The following CLASP2 variants were observed in gnomAD, a reference collection of about 807,000 sequenced individuals.
The protein encoded by CLASP2 is CLIP-associating protein 2.
CLASP2 carries 47 observed loss-of-function variants against 194.4 expected under a neutral mutation model. That is an observed-to-expected ratio of 0.24 (90% confidence interval 0.19 to 0.31). CLASP2 has a LOEUF of 0.31. Among genes scored for constraint, CLASP2 ranks in the 10% least tolerant of loss-of-function variants. The pLI is 1.00. For missense variants in CLASP2, 1,445 were observed against 1,823.6 expected (o/e 0.79, Z 3.78); for synonymous variants, 619 against 633.5 (o/e 0.98, Z 0.34).
chr3:33,708,503 T>G (rs1241378472), intron 1 of CLASP2, among the ~76,000 whole-genome samples: 2 of 81,516 alleles, frequency 2.5e-5, no homozygotes, highest in Non-Finnish European at 4.8e-5. Flanking sequence ...TATATATATA[T>G]ATGTATATAT....
intron 10 of CLASP2, among the ~76,000 whole-genome samples, chr3:33,622,489 A>G (rs1447615283): frequency 6.6e-6 from 1 of 152,216 alleles, no homozygotes; most frequent in African/African-American, 2.4e-5. Flanking sequence ...ATAACATTAC[A>G]GACTTAGTTA....
At chr3:33,594,483 C>G (rs6800291) in intron 20 of CLASP2, among the ~76,000 whole-genome samples, 37,680 of 151,646 alleles carry the variant, frequency 0.25, 5,114 homozygotes, top group Admixed American at 0.36. Flanking sequence ...GTGACCAACT[C>G]CCCAGTTACT....
At chr3:33,548,996 C>T (rs779336186) in intron 30 of CLASP2, among the ~76,000 whole-genome samples, 3 of 151,682 alleles carry the variant, frequency 2.0e-5, no homozygotes, top group African/African-American at 7.3e-5. Context: ...TGGTCTCAGA[C>T]TCCCAGCCTC....
At chr3:33,598,322 A>C (rs1408289173) in intron 18 of CLASP2, among the ~76,000 whole-genome samples, 1 of 151,922 alleles carries the variant, frequency 6.6e-6, no homozygotes, top group African/African-American at 2.4e-5. Context: ...AAGTCACAAC[A>C]ACCTCCCCAA....
intron 37 of CLASP2, among the ~76,000 whole-genome samples, chr3:33,509,444 A>G (rs1165799601): frequency 1.3e-5 from 2 of 152,010 alleles, no homozygotes; most frequent in African/African-American, 4.8e-5. Context: ...TGAACTCCCG[A>G]CCTCAGGTGA....
intron 23 of CLASP2, among the ~76,000 whole-genome samples, chr3:33,581,346 AT>A (rs1016690434): frequency 3.9e-5 from 6 of 152,206 alleles, no homozygotes; most frequent in African/African-American, 1.4e-4. Flanking sequence ...TATTATAAAA[AT>A]GTTAATCCCT....
At chr3:33,686,302 A>G (rs971550384) in intron 5 of CLASP2, among the ~76,000 whole-genome samples, 2 of 152,140 alleles carry the variant, frequency 1.3e-5, no homozygotes, top group South Asian at 2.1e-4. Flanking sequence ...GGGATCCCCA[A>G]GCCCCAGGCC....
intron 8 of CLASP2, among the ~76,000 whole-genome samples, chr3:33,640,304 A>G (rs1057042172): frequency 6.6e-6 from 1 of 152,222 alleles, no homozygotes; most frequent in African/African-American, 2.4e-5. Flanking sequence ...AAAAATGGGA[A>G]TAACTAGCAT....
chr3:33,568,917 T>C (rs2063272483), intron 26 of CLASP2, among the ~76,000 whole-genome samples: 1 of 152,192 alleles, frequency 6.6e-6, no homozygotes, highest in Non-Finnish European at 1.5e-5. Flanking sequence ...CAAACATTTT[T>C]AACTCGGCAC....
intron 34 of CLASP2, among the ~76,000 whole-genome samples, chr3:33,520,568 T>C (rs181499211): frequency 6.6e-6 from 1 of 151,990 alleles, no homozygotes; most frequent in African/African-American, 2.4e-5. Flanking sequence ...TGAGTGAGGA[T>C]GGAATGGCAA....
intron 25 of CLASP2, among the ~76,000 whole-genome samples, chr3:33,572,451 A>G (rs1270274572): frequency 6.6e-6 from 1 of 152,206 alleles, no homozygotes; most frequent in Non-Finnish European, 1.5e-5. Flanking sequence ...GTATCAAGTC[A>G]GGAAGTAACC....
intron 18 of CLASP2, among the ~76,000 whole-genome samples, chr3:33,600,034 G>C (rs9847537): frequency 6.6e-6 from 1 of 151,680 alleles, no homozygotes. Context: ...ATTTTTCTTC[G>C]GTAAAAATAA....
At chr3:33,645,964 AC>A (rs2082210406) in intron 7 of CLASP2, among the ~76,000 whole-genome samples, 1 of 151,098 alleles carries the variant, frequency 6.6e-6, no homozygotes, top group African/African-American at 2.4e-5. Flanking sequence ...ACACACACAC[AC>A]ACACACACAC....
At chr3:33,598,217 G>A (rs1426787610) in intron 18 of CLASP2, among the ~76,000 whole-genome samples, 1 of 150,738 alleles carries the variant, frequency 6.6e-6, no homozygotes, top group Admixed American at 6.6e-5. Flanking sequence ...TCAGCCATGA[G>A]TGCCCCACCT....
chr3:33,587,272 C>A (rs922706105), intron 21 of CLASP2, among the ~76,000 whole-genome samples: 3 of 151,960 alleles, frequency 2.0e-5, no homozygotes, highest in African/African-American at 7.3e-5. Context: ...ACTACAGGCA[C>A]CCGCCACCAC....
intron 6 of CLASP2, among the ~76,000 whole-genome samples, chr3:33,676,185 C>T (rs2088584920): frequency 6.6e-6 from 1 of 151,750 alleles, no homozygotes; most frequent in African/African-American, 2.4e-5. Context: ...TCAAACTATA[C>T]TACAAGGCTA....
intron 33 of CLASP2, among the ~76,000 whole-genome samples, chr3:33,536,296 A>G (rs1423697926): frequency 6.6e-6 from 1 of 152,076 alleles, no homozygotes; most frequent in Non-Finnish European, 1.5e-5. Context: ...AGTATACGAC[A>G]TGTTAGAAGA....
At chr3:33,647,141 A>G (rs1278946132) in intron 7 of CLASP2, among the ~76,000 whole-genome samples, 1 of 152,238 alleles carries the variant, frequency 6.6e-6, no homozygotes, top group African/African-American at 2.4e-5. Flanking sequence ...GTAAGCAAAC[A>G]AAGTCAAAGG....
intron 32 of CLASP2, among the ~76,000 whole-genome samples, chr3:33,540,511 G>C (rs1469506922): frequency 6.6e-6 from 1 of 151,614 alleles, no homozygotes; most frequent in African/African-American, 2.4e-5. Flanking sequence ...CAAAGTGCTA[G>C]GATTGCAAGT....
Sources: allele counts gnomAD v4.1 joint callset (sites outside exome capture counted in the v4.1 genomes callset), GRCh38; gene constraint gnomAD v4.1.1; transcripts MANE v1.5; gene names NCBI Gene and HGNC (gene_info 2026-07-23, HGNC 2026-07-21).